MAGI2: variants seen among roughly 807,000 people sequenced by gnomAD.
MAGI2 encodes the protein membrane associated guanylate kinase, WW and PDZ domain containing 2.
In MAGI2, 35 loss-of-function variants were observed where a neutral mutation model predicts 133.3. The ratio of observed to expected loss-of-function variants is 0.26; its 90% CI spans 0.20 to 0.35. MAGI2 has a LOEUF of 0.35. Ranked by LOEUF, MAGI2 falls within the 10% of genes least tolerant of loss-of-function variation. The pLI, the probability that MAGI2 is intolerant of heterozygous loss-of-function variation, is 1.00. For synonymous variants in MAGI2, 729 were observed against 710.6 expected, an observed-to-expected ratio of 1.03 and a Z score of -0.41; for missense variants, 1,636 against 1,863.4, an observed-to-expected ratio of 0.88 and a Z score of 2.25.
intron 1 of MAGI2, among the ~76,000 whole-genome samples, chr7:79,198,690 C>G (rs373021964): frequency 5.9e-5 from 9 of 151,868 alleles, no homozygotes; most frequent in African/African-American, 1.9e-4. Context: ...GGTTTGAGAC[C>G]AGCCTGGCCA....
intron 2 of MAGI2, among the ~76,000 whole-genome samples, chr7:78,754,046 T>C (rs906460855): frequency 1.3e-5 from 2 of 152,128 alleles, no homozygotes; most frequent in African/African-American, 2.4e-5. Context: ...TGATATCTGA[T>C]GGAAACTTGC....
At chr7:78,368,243 A>C (rs1389717406) in intron 7 of MAGI2, among the ~76,000 whole-genome samples, 2 of 152,234 alleles carry the variant, frequency 1.3e-5, no homozygotes, top group Non-Finnish European at 2.9e-5. Flanking sequence ...ACCGTTTTTG[A>C]ATATTGTTAC....
At chr7:78,988,413 A>G (rs1447647771) in intron 2 of MAGI2, among the ~76,000 whole-genome samples, 2 of 152,126 alleles carry the variant, frequency 1.3e-5, no homozygotes, top group Non-Finnish European at 2.9e-5. Context: ...CCATTAGCAC[A>G]AAACAAAAAA....
chr7:78,364,408 C>T (rs1010616301), intron 7 of MAGI2, among the ~76,000 whole-genome samples: 2 of 152,146 alleles, frequency 1.3e-5, no homozygotes, highest in African/African-American at 4.8e-5. Flanking sequence ...ATACTCACCA[C>T]TAACCATGAA....
chr7:78,683,638 T>A (rs1815940542), intron 2 of MAGI2, among the ~76,000 whole-genome samples: 1 of 152,190 alleles, frequency 6.6e-6, no homozygotes, highest in South Asian at 2.1e-4. Context: ...ACAAGTAAAG[T>A]GTTCCCTCAT....
chr7:78,064,982 TA>T (rs962770213), intron 21 of MAGI2, among the ~76,000 whole-genome samples: 77 of 152,112 alleles, frequency 5.1e-4, no homozygotes, highest in African/African-American at 1.7e-3. Flanking sequence ...ATGACTACTT[TA>T]AAAAAAATAG....
In MAGI2 at chr7:79,425,825, T is replaced by A. The variant is rs1585935801; in HGVS notation, c.301+27195A>T. On this transcript the variant is annotated intron_variant, in intron 1 of 21. Coordinates refer to ENST00000354212, the MANE Select transcript of MAGI2 (RefSeq NM_012301.4). ...GAGGGGGAGAAAGACAAAGAAGCCC[T>A]TGGATAAAGGCTTCAATGACTATTT... Among the ~76,000 whole-genome samples, 4 of 151,876 alleles carry A rather than the reference T, an allele frequency of 2.6e-5. 1 individual carries two copies. The South Asian group carries it at 8.3e-4, about 31-fold the overall frequency.
chr7:79,407,963 T>G (rs1845920092), intron 1 of MAGI2, among the ~76,000 whole-genome samples: 1 of 152,160 alleles, frequency 6.6e-6, no homozygotes, highest in Admixed American at 6.6e-5. Context: ...GACTAAAATG[T>G]ACTTTTGTAA....
At chr7:78,390,510 C>T (rs2151313863) in intron 6 of MAGI2, among the ~76,000 whole-genome samples, 1 of 151,988 alleles carries the variant, frequency 6.6e-6, no homozygotes, top group Non-Finnish European at 1.5e-5. Flanking sequence ...TCTGAAGGCA[C>T]ACATGTAGGT....
intron 1 of MAGI2, among the ~76,000 whole-genome samples, chr7:79,407,538 T>C (rs1333341640): frequency 2.0e-5 from 3 of 152,128 alleles, no homozygotes; most frequent in Non-Finnish European, 4.4e-5. Flanking sequence ...GTTGTGAATG[T>C]AGGCAAGCCA....
In MAGI2 at chr7:79,434,740, T is replaced by C. The variant is rs145083721; in HGVS notation, c.301+18280A>G. On this transcript the variant is annotated intron_variant, in intron 1 of 21. Coordinates refer to ENST00000354212, the MANE Select transcript of MAGI2 (RefSeq NM_012301.4). ...CAGAGGTTCTTAAAGTGTGCGACGGTCAATCTTATGTATTAACTTGACTGG... is the reference window on the plus strand; with the variant it reads ...CAGAGGTTCTTAAAGTGTGCGACGGCCAATCTTATGTATTAACTTGACTGG... Among the ~76,000 whole-genome samples the C allele has an allele frequency of 1.9e-3, 283 of 152,270 alleles. 3 individuals carry two copies. The highest frequency in any genetic ancestry group is 6.6e-3 in the African/African-American group (275 of 41,572).
chr7:78,991,666 T>G (rs1475609503), intron 2 of MAGI2, among the ~76,000 whole-genome samples: 1 of 151,866 alleles, frequency 6.6e-6, no homozygotes, highest in Non-Finnish European at 1.5e-5. Flanking sequence ...CTAGGCTTTT[T>G]GGGAACACAG....
At chr7:78,890,334 C>A (rs1404200981) in intron 2 of MAGI2, among the ~76,000 whole-genome samples, 1 of 152,150 alleles carries the variant, frequency 6.6e-6, no homozygotes. Flanking sequence ...AGAAACTTAA[C>A]AAGGATATCC....
At chr7:79,044,756 T>C (rs1261285986) in intron 1 of MAGI2, among the ~76,000 whole-genome samples, 1 of 152,176 alleles carries the variant, frequency 6.6e-6, no homozygotes, top group East Asian at 1.9e-4. Context: ...CAAAAATCAG[T>C]AGCATTTGTA....
chr7:78,691,167 T>C (rs1816915802), intron 2 of MAGI2, among the ~76,000 whole-genome samples: 1 of 152,234 alleles, frequency 6.6e-6, no homozygotes, highest in Non-Finnish European at 1.5e-5. Flanking sequence ...TGAGGACATG[T>C]AAAGACTTCA....
chr7:78,271,360 A>T (rs1449519992), intron 9 of MAGI2, among the ~76,000 whole-genome samples: 3 of 152,170 alleles, frequency 2.0e-5, no homozygotes, highest in Non-Finnish European at 2.9e-5. Context: ...GTTTGCCAGT[A>T]TTTTATTGAG....
chr7:79,283,188 G>A (rs543116768), intron 1 of MAGI2, among the ~76,000 whole-genome samples: 24 of 152,136 alleles, frequency 1.6e-4, no homozygotes, highest in African/African-American at 5.8e-4. Flanking sequence ...GAATCCAAGA[G>A]GATAGGGCTT....
At chr7:78,670,500 G>A (rs962465473) in intron 2 of MAGI2, among the ~76,000 whole-genome samples, 1 of 152,136 alleles carries the variant, frequency 6.6e-6, no homozygotes, top group Non-Finnish European at 1.5e-5. Flanking sequence ...TACTGCCCAA[G>A]GTAATTTATA....
intron 6 of MAGI2, among the ~76,000 whole-genome samples, chr7:78,477,752 G>A (rs1791928447): frequency 6.6e-6 from 1 of 151,666 alleles, no homozygotes; most frequent in African/African-American, 2.4e-5. Context: ...GATTTGGGTG[G>A]GGACTCAGCA....
Sources: gnomAD v4.1 joint callset for allele counts (sites outside exome capture counted in the v4.1 genomes callset) on GRCh38, gnomAD v4.1.1 for gene constraint, MANE v1.5 for transcripts, NCBI Gene and HGNC (gene_info 2026-07-23, HGNC 2026-07-21) for gene names.